The following SLC2A5 variants were observed in gnomAD, a reference collection of about 807,000 sequenced individuals.
The protein encoded by SLC2A5 is solute carrier family 2, facilitated glucose transporter member 5.
In SLC2A5, 56 loss-of-function variants were observed where a neutral mutation model predicts 50.3. The ratio of observed to expected loss-of-function variants is 1.11; its 90% CI spans 0.90 to 1.39. The LOEUF (loss-of-function observed/expected upper bound fraction) is 1.39. SLC2A5 is among the 40% of genes most tolerant of loss of function. The pLI is 0.00. For synonymous variants in SLC2A5, 269 were observed against 281.9 expected (o/e 0.95, Z 0.46); for missense variants, 566 against 650.1 (o/e 0.87, Z 1.41).
chr1:9,044,060 A>G (rs1024192014), intron 4 of SLC2A5, among the ~76,000 whole-genome samples: 5 of 150,828 alleles, frequency 3.3e-5, no homozygotes, highest in Non-Finnish European at 5.9e-5. Flanking sequence ...TGGACACTGT[A>G]GCTCACCCCT....
intron 1 of SLC2A5, among the ~76,000 whole-genome samples, chr1:9,061,447 AT>A (rs113483752): frequency 3.2e-5 from 4 of 124,746 alleles, no homozygotes; most frequent in African/African-American, 5.7e-5. Flanking sequence ...TACCAAAAAA[AT>A]TTTAAAAATT....
At chr1:9,059,562 A>G (rs866839688) in intron 1 of SLC2A5, among the ~76,000 whole-genome samples, 1 of 94,694 alleles carries the variant, frequency 1.1e-5, no homozygotes, top group Non-Finnish European at 2.2e-5. Flanking sequence ...TTTCTGAGAC[A>G]TTTCTTGCCC....
At chr1:9,043,358 GT>G (rs1641352935) in intron 4 of SLC2A5, among the ~76,000 whole-genome samples, 1 of 152,172 alleles carries the variant, frequency 6.6e-6, no homozygotes, top group African/African-American at 2.4e-5. Context: ...AGACATCACA[GT>G]TCATTAATAT....
At chr1:9,059,136 C>CTTTTTTTTTT (rs869052429) in intron 1 of SLC2A5, among the ~76,000 whole-genome samples, 1 of 53,926 alleles carries the variant, frequency 1.9e-5, no homozygotes, top group African/African-American at 7.7e-5. Context: ...GCCTTTCTTT[C>CTTTTTTTTTT]TTTTTTTTTT....
In SLC2A5 at chr1:9,047,650, C is replaced by T. The variant is rs758433234; in HGVS notation, c.378G>A (p.Glu126=). The T allele has an allele frequency of 2.5e-6, 4 of 1,614,016 alleles. No homozygotes were observed. The South Asian group carries it at 4.4e-5, about 18-fold the overall frequency. ...CCAAAAGTCTGGAAATAATGATAAG[C>T]TCAAATGATGTGGCGACTCTGCTGC... ...MGCSRVATSF[E]LIIISRLLVG... Residue 126 remains glutamate (E), a synonymous_variant, in exon 4 of 12, where the codon GAG becomes GAA. Transcript: ENST00000377424.
In SLC2A5 at chr1:9,057,888, C is replaced by T. The variant is rs13306770; in HGVS notation, c.132+264G>A. Among the ~76,000 whole-genome samples the T allele has an allele frequency of 3.2e-3, 489 of 152,258 alleles. 11 individuals are homozygous for T. In the East Asian group the frequency reaches 0.043, roughly 13 times the overall value. On this transcript the variant is annotated intron_variant, in intron 2 of 11. Transcript: ENST00000377424. ...AATCAGCTGGGAGACCCCTGGCCCC[C>T]CCGGATTCCCTCTAAACAGCAAGGC...
At chr1:9,064,584 C>T (rs1036857677) in intron 1 of SLC2A5, among the ~76,000 whole-genome samples, 1 of 152,074 alleles carries the variant, frequency 6.6e-6, no homozygotes, top group African/African-American at 2.4e-5. Context: ...GGATGTGTAC[C>T]CCTTTAAATG....
chr1:9,060,041 ACACACACAC>A (rs1245726125), intron 1 of SLC2A5, among the ~76,000 whole-genome samples: 1 of 146,942 alleles, frequency 6.8e-6, no homozygotes, highest in African/African-American at 2.5e-5. Flanking sequence ...CACATACAGT[ACACACACAC>A]CACACACACA....
chr1:9,056,780 G>C (rs568147542), intron 3 of SLC2A5, among the ~76,000 whole-genome samples: 34 of 152,244 alleles, frequency 2.2e-4, no homozygotes, highest in African/African-American at 7.7e-4. Flanking sequence ...TTGTTCACGA[G>C]GCTGGTGTCA....
chr1:9,039,988 C>T lies in SLC2A5; in HGVS notation c.698-1G>A, dbSNP rs1557661919. Reference sequence around the variant, plus strand: ...TCCCAGCCGCGCAGCGTCTGTAGGGCTGGGGAGAAGCGGCACCGTCGGACC... The same window carrying T: ...TCCCAGCCGCGCAGCGTCTGTAGGGTTGGGGAGAAGCGGCACCGTCGGACC... On this transcript the variant is annotated splice_acceptor_variant, in intron 6 of 11. Coordinates refer to ENST00000377424, the MANE Select transcript of SLC2A5 (RefSeq NM_003039.3). LOFTEE classifies it high-confidence loss of function. 1.2e-6 allele frequency: 2 copies of T among 1,605,088 alleles called. No homozygotes were observed. The highest frequency in any genetic ancestry group is 2.2e-5 in the East Asian group (1 of 44,624).
chr1:9,037,764 A>T lies in SLC2A5; in HGVS notation c.1328T>A (p.Ile443Asn). 6.2e-7 allele frequency: 1 copy of T among 1,614,176 alleles called. No homozygotes were observed. The change falls in exon 12 of 12, where the codon ATT becomes AAT. Residue 443 changes from isoleucine (I) to asparagine (N), a missense_variant. Physicochemically the swap from Ile to Asn is moderately radical, Grantham distance 149. Coordinates refer to ENST00000377424, the MANE Select transcript of SLC2A5 (RefSeq NM_003039.3). ...GAGGAGGCAGATCACGGCGAAGACA[A>T]TGAAGCTGTACGGGCCGAGGCCCTC... ...IQEGLGPYSF[I>N]VFAVICLLTT...
At chr1:9,041,965 T>G in intron 4 of SLC2A5, 28 bp from the exon 5 acceptor site, 1 of 1,549,100 alleles carries the variant, frequency 6.5e-7, no homozygotes, top group South Asian at 1.2e-5. Context: ...AGAAACACCA[T>G]CAGAAAAAAT....
At chr1:9,058,046 T>G (rs994597454) in intron 2 of SLC2A5, 106 bp downstream of exon 2, 5 of 775,346 alleles carry the variant, frequency 6.4e-6, no homozygotes, top group Non-Finnish European at 1.1e-5. Flanking sequence ...CCCTCTCCCT[T>G]TGCTTCAGGA....
chr1:9,072,042 G>A (rs753049623), upstream of SLC2A5: 66 of 153,154 alleles, frequency 4.3e-4, no homozygotes, highest in Admixed American at 9.2e-4. Flanking sequence ...GTCCCCCTCA[G>A]CCTCACCCGG....
chr1:9,041,764 C>T (rs759832846), intron 5 of SLC2A5, 21 bp downstream of exon 5: 1 of 1,613,972 alleles, frequency 6.2e-7, no homozygotes, highest in Non-Finnish European at 8.5e-7. Flanking sequence ...TGGGGGTGCT[C>T]CCGAGATGTC....
chr1:9,063,726 C>T (rs1407823160), intron 1 of SLC2A5, among the ~76,000 whole-genome samples: 7 of 95,670 alleles, frequency 7.3e-5, no homozygotes, highest in Non-Finnish European at 9.3e-5. Context: ...ACGGAGTCTT[C>T]GCTCTGTCGC....
At chr1:9,047,460 G>T in intron 4 of SLC2A5, 150 bp downstream of exon 4, 1 of 707,696 alleles carries the variant, frequency 1.4e-6, no homozygotes, top group Non-Finnish European at 2.3e-6. Context: ...CTGAGAACCA[G>T]GTAGGGCTCA....
At position 9,041,344 on chromosome 1, in the gene SLC2A5, C is replaced by T. The variant is rs981801490; in HGVS notation, c.571+441G>A. The T allele has an allele frequency of 1.8e-5, 12 of 649,624 alleles. No individual in the cohort carries two copies. In the Admixed American group the frequency reaches 3.4e-4, roughly 19 times the overall value. 40.2% of individuals were successfully genotyped at this position (649,624 alleles called of 1,614,324 possible). A position where few individuals can be genotyped will look rare whatever the true frequency, so the allele number is the denominator to read the frequency against. On this transcript the variant is annotated intron_variant, in intron 5 of 11. Transcript: ENST00000377424. ...CTCCCCCATGGGGCCAGGCCACCCT[C>T]ACTCCTGGTACTTCTCTTTCTGGTC... is the stretch of plus-strand genomic sequence containing the variant.
At chr1:9,073,131 G>A (rs994419967), upstream of SLC2A5, 3 of 152,172 alleles carry the variant, frequency 2.0e-5, no homozygotes, top group Non-Finnish European at 4.4e-5. Flanking sequence ...ATGATACCAG[G>A]ACTTCAGTCA....
Sources: gnomAD v4.1 joint callset for allele counts (sites outside exome capture counted in the v4.1 genomes callset) on GRCh38, gnomAD v4.1.1 for gene constraint, MANE v1.5 for transcripts, NCBI Gene and HGNC (gene_info 2026-07-23, HGNC 2026-07-21) for gene names.